PREX1: variants seen among roughly 807,000 people sequenced by gnomAD.
PREX1 encodes the protein phosphatidylinositol-3,4,5-trisphosphate dependent Rac exchange factor 1.
In PREX1, 41 loss-of-function variants were observed where a neutral mutation model predicts 198.3. The ratio of observed to expected loss-of-function variants is 0.21; its 90% CI spans 0.16 to 0.27. The LOEUF (loss-of-function observed/expected upper bound fraction) is 0.27. Among genes scored for constraint, PREX1 ranks in the 10% least tolerant of loss-of-function variants. PREX1 has a pLI of 1.00. For synonymous variants in PREX1, 843 were observed against 887.2 expected (o/e 0.95, Z 0.89); for missense variants, 1,620 against 2,200.7 (o/e 0.74, Z 5.28).
chr20:48,650,998 T>C lies in PREX1; in HGVS notation c.2713A>G (p.Met905Val), dbSNP rs2089491313. The C allele has an allele frequency of 4.3e-6, 7 of 1,614,190 alleles. No homozygotes were observed. Among genetic ancestry groups the C allele is most frequent in the African/African-American group, 1.3e-5 (1 of 75,058 alleles). The change falls in exon 23 of 40, where the codon ATG (methionine) becomes GTG (valine). Residue 905 changes from methionine (M) to valine (V), a missense_variant. Coordinates refer to ENST00000371941, the MANE Select transcript of PREX1 (RefSeq NM_020820.4). ...SVFVENCRRL[M>V]ALSSAIVTMP... is the part of the protein sequence containing the mutation. ...GTCACGATGGCGCTGCTCAGGGCCA[T>C]GAGCCGCCTGCAGTTCTCCACGAAG...
At chr20:48,664,847 C>A (rs1175132021) in intron 15 of PREX1, among the ~76,000 whole-genome samples, 1 of 143,692 alleles carries the variant, frequency 7.0e-6, no homozygotes, top group Non-Finnish European at 1.5e-5. Flanking sequence ...CTAATCCCGG[C>A]TCCAGACGGC....
rs374065233 is a variant in PREX1, at chr20:48,816,851, C to T, written c.219+10791G>A. ...GCCTCATGAGACCTTCAGTAGAAAA[C>T]CCAGTTACATTGCACCCAGACTTCT... On this transcript the variant is annotated intron_variant, in intron 1 of 39. Coordinates refer to ENST00000371941, the MANE Select transcript of PREX1 (RefSeq NM_020820.4). Among the ~76,000 whole-genome samples, 7 of 152,318 alleles carry T rather than the reference C, an allele frequency of 4.6e-5. No individual in the cohort carries two copies. In the South Asian group the frequency reaches 1.5e-3, roughly 32 times the overall value.
intron 1 of PREX1, among the ~76,000 whole-genome samples, chr20:48,770,745 G>A (rs1427727402): frequency 6.6e-6 from 1 of 152,220 alleles, no homozygotes; most frequent in African/African-American, 2.4e-5. Flanking sequence ...AGTGAGGAAG[G>A]AAAGGAAACT....
chr20:48,769,454 T>C (rs1324867123), intron 1 of PREX1, among the ~76,000 whole-genome samples: 1 of 152,122 alleles, frequency 6.6e-6, no homozygotes, highest in Non-Finnish European at 1.5e-5. Flanking sequence ...CCACTAGGCA[T>C]GGGGCCGGCT....
At chr20:48,751,974 T>C (rs2090136104) in intron 1 of PREX1, among the ~76,000 whole-genome samples, 1 of 151,968 alleles carries the variant, frequency 6.6e-6, no homozygotes. Flanking sequence ...TCAACAAGTC[T>C]AGGGGAGGCA....
intron 18 of PREX1, among the ~76,000 whole-genome samples, chr20:48,655,993 G>A (rs1405471110): frequency 3.3e-5 from 5 of 152,112 alleles, no homozygotes; most frequent in African/African-American, 9.7e-5. Context: ...GCCGAGCTGG[G>A]AGCCTGCTCT....
chr20:48,632,852 C>G (rs1392244255), intron 33 of PREX1, among the ~76,000 whole-genome samples: 1 of 152,184 alleles, frequency 6.6e-6, no homozygotes, highest in African/African-American at 2.4e-5. Context: ...TTCCCTCTCA[C>G]TCTCCGAAGA....
Position 48,776,920 on chromosome 20 carries a change from G to A in PREX1, c.220-29040C>T, listed in dbSNP as rs941840287. Among the ~76,000 whole-genome samples, 6 of 152,124 alleles carry A rather than the reference G, an allele frequency of 3.9e-5. No homozygotes were observed. In the East Asian group the frequency reaches 5.8e-4, roughly 15 times the overall value. On this transcript the variant is annotated intron_variant, in intron 1 of 39. Transcript: ENST00000371941. The stretch of plus-strand genomic sequence containing the variant: ...TCACAGGTAAAGCATCACACACAGC[G>A]AGTGGCAGAGCCAGAGACTGACCTC...
intron 5 of PREX1, among the ~76,000 whole-genome samples, chr20:48,711,576 C>T (rs2089931019): frequency 6.6e-6 from 1 of 152,162 alleles, no homozygotes. Flanking sequence ...GAGTCCAACC[C>T]ATCACCCGTT....
At chr20:48,818,780 A>T (rs1161373638) in intron 1 of PREX1, among the ~76,000 whole-genome samples, 1 of 152,254 alleles carries the variant, frequency 6.6e-6, no homozygotes, top group African/African-American at 2.4e-5. Flanking sequence ...AACAGAAAAC[A>T]AGGGGCACCT....
intron 1 of PREX1, among the ~76,000 whole-genome samples, chr20:48,808,452 G>A (rs2090421584): frequency 6.6e-6 from 1 of 152,188 alleles, no homozygotes; most frequent in Non-Finnish European, 1.5e-5. Context: ...GGACAAAGCA[G>A]GGGCAGTGGA....
chr20:48,778,712 G>T (rs192646574), intron 1 of PREX1, among the ~76,000 whole-genome samples: 2 of 152,312 alleles, frequency 1.3e-5, no homozygotes, highest in East Asian at 3.9e-4. Context: ...ACACAAATAT[G>T]GCCGTTTGAC....
intron 1 of PREX1, among the ~76,000 whole-genome samples, chr20:48,792,199 G>C (rs1047099703): frequency 3.3e-5 from 5 of 152,232 alleles, no homozygotes; most frequent in African/African-American, 1.2e-4. Flanking sequence ...GCTAAGGCCA[G>C]GCGTGGTGGC....
At chr20:48,767,811 G>A (rs377447379) in intron 1 of PREX1, among the ~76,000 whole-genome samples, 32 of 152,114 alleles carry the variant, frequency 2.1e-4, no homozygotes, top group African/African-American at 7.5e-4. Flanking sequence ...TCACTGCACA[G>A]GATGCTCAAA....
In PREX1 at chr20:48,632,296, G is replaced by C. The variant is rs529607221; in HGVS notation, c.4507C>G (p.Gln1503Glu). 1 of 1,614,120 alleles carries C rather than the reference G, an allele frequency of 6.2e-7. No homozygotes were observed. Among genetic ancestry groups the C allele is most frequent in the South Asian group, 1.1e-5 (1 of 91,088 alleles). Residue 1503 changes from glutamine to glutamate, a missense_variant, in exon 35 of 40, where the codon CAG (glutamine) becomes GAG (glutamate). Gln to Glu is a conservative substitution (Grantham distance 29). Transcript: ENST00000371941. ...GGATACCTGAGTTTGCGGTAATACT[G>C]CTGAACTTTCTCCAGGGACTGCGCG... ...INAQSLEKVQ[Q>E]YYRKLRAFYL...
the PREX1 span, among the ~76,000 whole-genome samples, chr20:48,836,428 C>G: frequency 6.6e-6 from 1 of 152,132 alleles, no homozygotes; most frequent in Non-Finnish European, 1.5e-5. Flanking sequence ...GGGTGAGGGA[C>G]AGTTCCAATT....
intron 29 of PREX1, 133 bp from the exon 30 acceptor site, chr20:48,640,027 T>C (rs992774448): frequency 1.6e-6 from 2 of 1,257,096 alleles, no homozygotes; most frequent in African/African-American, 3.0e-5. Flanking sequence ...GCAGGACTCC[T>C]GGGCATTATC....
chr20:48,627,033 G>T (rs1307036537), intron 39 of PREX1, among the ~76,000 whole-genome samples: 1 of 152,238 alleles, frequency 6.6e-6, no homozygotes, highest in East Asian at 1.9e-4. Flanking sequence ...CAGGAACAGA[G>T]AGCATTCCTG....
At chr20:48,661,444 A>AATATATATATATATATATATATAT (rs1159107194) in intron 15 of PREX1, among the ~76,000 whole-genome samples, 1 of 49,600 alleles carries the variant, frequency 2.0e-5, no homozygotes, top group African/African-American at 1.9e-4. Context: ...AAAAAAAAAA[A>AATATATATATATATATATATATAT]ATATATATAT....
Sources: allele counts gnomAD v4.1 joint callset (sites outside exome capture counted in the v4.1 genomes callset), GRCh38; gene constraint gnomAD v4.1.1; transcripts MANE v1.5; gene names NCBI Gene and HGNC (gene_info 2026-07-23, HGNC 2026-07-21).